The following SOX6 variants were observed in gnomAD, a reference collection of about 807,000 sequenced individuals.
The protein encoded by SOX6 is transcription factor SOX-6.
SOX6 carries 11 observed loss-of-function variants against 97.8 expected under a neutral mutation model. The ratio of observed to expected loss-of-function variants is 0.11; its 90% CI spans 0.07 to 0.19. The LOEUF (loss-of-function observed/expected upper bound fraction) is 0.19, where lower values mean the gene tolerates loss of function less well. Ranked by LOEUF, SOX6 falls within the 10% of genes least tolerant of loss-of-function variation. SOX6 has a pLI of 1.00. For synonymous variants in SOX6, 360 were observed against 371.4 expected (o/e 0.97, Z 0.35); for missense variants, 810 against 1,039.5 (o/e 0.78, Z 3.04).
intron 2 of SOX6, among the ~76,000 whole-genome samples, chr11:16,720,690 T>C (rs1337253530): frequency 7.1e-6 from 1 of 141,236 alleles, no homozygotes; most frequent in Non-Finnish European, 1.6e-5. Flanking sequence ...ACTTAAAGTA[T>C]AATAATAATA....
intron 3 of SOX6, among the ~76,000 whole-genome samples, chr11:16,235,908 T>C (rs1002186959): frequency 8.5e-5 from 13 of 152,178 alleles, no homozygotes; most frequent in African/African-American, 2.9e-4. Flanking sequence ...TTAACATTTG[T>C]CTGTGACACT....
At chr11:16,433,187 C>T (rs954942551) in intron 1 of SOX6, among the ~76,000 whole-genome samples, 2 of 151,810 alleles carry the variant, frequency 1.3e-5, no homozygotes, top group African/African-American at 4.8e-5. Flanking sequence ...CCTTTTCTAC[C>T]CTGAAAATGT....
At chr11:16,145,240 A>T (rs1184680678) in intron 6 of SOX6, among the ~76,000 whole-genome samples, 5 of 152,174 alleles carry the variant, frequency 3.3e-5, no homozygotes, top group African/African-American at 1.2e-4. Flanking sequence ...ACAGAACCAA[A>T]GACAAAAACC....
At chr11:16,350,246 A>C (rs2134357212) in intron 1 of SOX6, among the ~76,000 whole-genome samples, 1 of 152,306 alleles carries the variant, frequency 6.6e-6, no homozygotes, top group South Asian at 2.1e-4. Context: ...GGAGTAGAGG[A>C]AAGAATGAGA....
chr11:16,301,261 T>G (rs1262049107), intron 3 of SOX6, among the ~76,000 whole-genome samples: 3 of 152,184 alleles, frequency 2.0e-5, no homozygotes, highest in African/African-American at 4.8e-5. Flanking sequence ...TCAAACAAAT[T>G]TATCCATTAT....
upstream of SOX6, among the ~76,000 whole-genome samples, chr11:16,476,937 T>C (rs1245772199): frequency 1.3e-5 from 2 of 152,222 alleles, no homozygotes; most frequent in East Asian, 3.8e-4. Context: ...ATACTTTAGT[T>C]CTGGCTGAAG....
chr11:16,056,789 C>T (rs1436003811), intron 9 of SOX6, among the ~76,000 whole-genome samples: 1 of 152,162 alleles, frequency 6.6e-6, no homozygotes, highest in Non-Finnish European at 1.5e-5. Flanking sequence ...GACAATCTGA[C>T]ATTACAAATC....
At chr11:16,408,767 C>T (rs1858736512) in intron 1 of SOX6, 1 of 151,664 alleles carries the variant, frequency 6.6e-6, no homozygotes, top group African/African-American at 2.4e-5. Context: ...GCCTTGAACT[C>T]CTGTGCTCAA....
At chr11:16,647,295 C>T (rs901995960) in intron 3 of SOX6, among the ~76,000 whole-genome samples, 3 of 152,118 alleles carry the variant, frequency 2.0e-5, no homozygotes, top group Non-Finnish European at 2.9e-5. Flanking sequence ...CCCCCTTTCC[C>T]TCTCTGCTAA....
intron 3 of SOX6, among the ~76,000 whole-genome samples, chr11:16,254,390 T>C (rs962039429): frequency 2.6e-5 from 4 of 152,112 alleles, no homozygotes; most frequent in African/African-American, 9.6e-5. Flanking sequence ...TTCATATATA[T>C]TACATACATG....
intron 1 of SOX6, among the ~76,000 whole-genome samples, chr11:16,445,342 G>T (rs1375699746): frequency 1.3e-5 from 2 of 152,090 alleles, no homozygotes; most frequent in African/African-American, 4.8e-5. Context: ...GGTCTCATCT[G>T]AATATACTAA....
At chr11:16,636,955 T>C (rs1848798802) in intron 3 of SOX6, among the ~76,000 whole-genome samples, 1 of 152,198 alleles carries the variant, frequency 6.6e-6, no homozygotes, top group Non-Finnish European at 1.5e-5. Flanking sequence ...TTGCCCAGTC[T>C]TGGGTATGTC....
At chr11:15,974,726 A>AT (rs1853421350) in intron 15 of SOX6, among the ~76,000 whole-genome samples, 1 of 152,120 alleles carries the variant, frequency 6.6e-6, no homozygotes, top group Admixed American at 6.5e-5. Context: ...GGGAGAAGGG[A>AT]TGCAGATGGT....
chr11:16,119,112 T>C (rs993468922), intron 6 of SOX6, among the ~76,000 whole-genome samples: 7 of 152,150 alleles, frequency 4.6e-5, no homozygotes, highest in Non-Finnish European at 8.8e-5. Context: ...AATAGCTGAC[T>C]CATTTGCATA....
intron 4 of SOX6, among the ~76,000 whole-genome samples, chr11:16,486,015 A>C (rs73433598): frequency 0.031 from 2,893 of 94,030 alleles, 578 homozygotes; most frequent in Non-Finnish European, 0.035. Context: ...GGGAATATTT[A>C]GAAGACCTCC....
At chr11:16,087,949 T>C (rs551973274) in intron 9 of SOX6, among the ~76,000 whole-genome samples, 1 of 150,750 alleles carries the variant, frequency 6.6e-6, no homozygotes, top group South Asian at 2.2e-4. Flanking sequence ...TTTAGCAGCA[T>C]CCTCACCCTC....
Position 15,968,111 on chromosome 11 carries a change from GTTGT to G in SOX6, c.*4694_*4697del, listed in dbSNP as rs1165204505. ...TCATTGGCAGGAATAACAGACAGAA[GTTGT>G]TTATTAGGGAAGAAAACATGTCAGG... On this transcript the variant is annotated 3_prime_UTR_variant, in exon 16 of 16. Transcript: ENST00000683767. The G allele has an allele frequency of 6.6e-6, 1 of 152,186 alleles. No individual in the cohort carries two copies. Among genetic ancestry groups the G allele is most frequent in the African/African-American group, 2.4e-5 (1 of 41,442 alleles). 9.4% of individuals were successfully genotyped at this position (152,186 alleles called of 1,614,324 possible). A position where few individuals can be genotyped will look rare whatever the true frequency, so the allele number is the denominator to read the frequency against.
chr11:16,380,337 A>C, intron 1 of SOX6, among the ~76,000 whole-genome samples: 1 of 152,090 alleles, frequency 6.6e-6, no homozygotes, highest in East Asian at 1.9e-4. Context: ...TAAACAGAAA[A>C]ACGTCAAGGA....
chr11:16,638,863 G>A (rs1055095594), intron 3 of SOX6, among the ~76,000 whole-genome samples: 6 of 152,156 alleles, frequency 3.9e-5, no homozygotes, highest in Admixed American at 1.3e-4. Flanking sequence ...CTCCCATTCT[G>A]TAGGTTACCT....
Sources: gnomAD v4.1 joint callset for allele counts (sites outside exome capture counted in the v4.1 genomes callset) on GRCh38, gnomAD v4.1.1 for gene constraint, MANE v1.5 for transcripts, NCBI Gene and HGNC (gene_info 2026-07-23, HGNC 2026-07-21) for gene names.